Variants in RIPOR1 observed in about 807,000 individuals in gnomAD.
RIPOR1 encodes the protein RHO family interacting cell polarization regulator 1.
RIPOR1 carries 58 observed loss-of-function variants against 116.5 expected under a neutral mutation model. That is an observed-to-expected ratio of 0.50 (90% CI 0.40 to 0.62). RIPOR1 has a LOEUF of 0.62. Ranked by LOEUF, RIPOR1 falls within the 20% of genes least tolerant of loss-of-function variation. RIPOR1 has a pLI of 0.00. For missense variants in RIPOR1, 1,372 were observed against 1,586.2 expected, an observed-to-expected ratio of 0.86 and a Z score of 2.29; for synonymous variants, 605 against 650.0, an observed-to-expected ratio of 0.93 and a Z score of 1.05.
At chr16:67,546,342 T>G (rs1160281864) in intron 21 of RIPOR1, 24 bp from the exon 22 acceptor site, 1 of 1,611,574 alleles carries the variant, frequency 6.2e-7, no homozygotes, top group East Asian at 2.2e-5. Flanking sequence ...GGGCCACCCT[T>G]GACCTCATCC....
rs2142551658 is a variant in RIPOR1 at position 67,541,379 on chromosome 16, A to T, written c.802-51A>T. 3 of 1,566,404 alleles carry T rather than the reference A, an allele frequency of 1.9e-6. No individual in the cohort carries two copies. The highest frequency in any genetic ancestry group is 2.6e-6 in the Non-Finnish European group (3 of 1,154,334). On this transcript the variant is annotated intron_variant, in intron 10 of 21. Coordinates refer to ENST00000042381, the MANE Select transcript of RIPOR1 (RefSeq NM_024519.4). The surrounding 1 kb of genome is among the most constrained non-coding windows in gnomAD (Gnocchi z 4.6). ...AAATTCAGACCTCAGATTTCCCATGATCTCATAGCCCCTGCACCCTTGTGA... is the reference window on the plus strand; with the variant it reads ...AAATTCAGACCTCAGATTTCCCATGTTCTCATAGCCCCTGCACCCTTGTGA...
rs1051979915 is a variant in RIPOR1, at chr16:67,545,206, G to C, written c.3031+89G>C. 1.3e-6 allele frequency: 2 copies of C among 1,559,406 alleles called. No homozygotes were observed. Among genetic ancestry groups the C allele is most frequent in the African/African-American group, 2.7e-5 (2 of 74,074 alleles). On this transcript the variant is annotated intron_variant, in intron 17 of 21. Transcript: ENST00000042381. The surrounding 1 kb of genome is among the most constrained non-coding windows in gnomAD (Gnocchi z 4.8). Reference sequence around the variant, plus strand: ...GCCAGGTCAGCCCACACAGATAAACGAACTGGGCACCGAGGAGACCAGCAA... The same window carrying C: ...GCCAGGTCAGCCCACACAGATAAACCAACTGGGCACCGAGGAGACCAGCAA...
In RIPOR1 at chr16:67,544,411, C is replaced by A; in HGVS notation, c.2713C>A (p.His905Asn). Residue 905 changes from histidine to asparagine, a missense_variant, in exon 15 of 22, where the codon CAC becomes AAC. His to Asn is a moderately conservative substitution (Grantham distance 68, BLOSUM62 1). Coordinates refer to ENST00000042381, the MANE Select transcript of RIPOR1 (RefSeq NM_024519.4). The surrounding 1 kb of genome is among the most constrained non-coding windows in gnomAD (Gnocchi z 5.1). ...TGCTGCCTTGGTCCGGCACCTGTAC[C>A]ACTGCAGTCGCCTCCTGCTGGTGAG... ...LDAALVRHLY[H>N]CSRLLLKLGT... 3 of 1,611,628 alleles carry A rather than the reference C, an allele frequency of 1.9e-6. No individual in the cohort carries two copies. Among genetic ancestry groups the A allele is most frequent in the Non-Finnish European group, 2.5e-6 (3 of 1,179,414 alleles).
In RIPOR1 at chr16:67,544,818, T is replaced by A. The variant is rs2051113512; in HGVS notation, c.2857T>A (p.Ser953Thr). 6 of 1,595,548 alleles carry A rather than the reference T, an allele frequency of 3.8e-6. No individual in the cohort carries two copies. Among genetic ancestry groups the A allele is most frequent in the Non-Finnish European group, 5.1e-6 (6 of 1,166,968 alleles). ...FSRRWEIPAS[S>T]AQEVVQFSAS... is the part of the protein sequence containing the mutation. ...CAGGCGGTGGGAGATCCCGGCCAGC[T>A]CTGCCCAGGAAGGTAAAGGCCCTGG... Residue 953 changes from serine (S) to threonine (T), a missense_variant, in exon 16 of 22, where the codon TCT becomes ACT. Transcript: ENST00000042381. The surrounding 1 kb of genome is among the most constrained non-coding windows in gnomAD (Gnocchi z 5.1).
chr16:67,543,114 C>A lies in RIPOR1; in HGVS notation c.2328C>A (p.Thr776=). Residue 776 remains threonine, a synonymous_variant, in exon 13 of 22, where the codon ACC becomes ACA. Coordinates refer to ENST00000042381, the MANE Select transcript of RIPOR1 (RefSeq NM_024519.4). The surrounding 1 kb of genome is among the most constrained non-coding windows in gnomAD (Gnocchi z 4.7). ...TTTGCCTGGCCATGGCTGTCCAGACCCCAGTCCCAACGGCAGCCGGAGGGT... is the reference window on the plus strand; with the variant it reads ...TTTGCCTGGCCATGGCTGTCCAGACACCAGTCCCAACGGCAGCCGGAGGGT... The part of the protein sequence containing the change: ...SDLCLAMAVQ[T]PVPTAAGGSG... The A allele has an allele frequency of 6.6e-7, 1 of 1,524,356 alleles. No individual in the cohort carries two copies. The highest frequency in any genetic ancestry group is 8.8e-7 in the Non-Finnish European group (1 of 1,138,308). The allele number at this position is 1,524,356 out of a possible 1,614,324, so 94.4% of individuals were successfully genotyped here.
In RIPOR1 at chr16:67,546,381, C is replaced by G. The variant is rs1847348038; in HGVS notation, c.3578C>G (p.Ser1193Cys). The G allele has an allele frequency of 1.2e-6, 2 of 1,613,936 alleles. No homozygotes were observed. The highest frequency in any genetic ancestry group is 1.3e-5 in the African/African-American group (1 of 74,906). The change falls in exon 22 of 22, where the codon TCT becomes TGT. Residue 1193 changes from serine (S) to cysteine (C), a missense_variant. Transcript: ENST00000042381. ...CTCATTACAGGAGAAGAGGGACAGT[C>G]TGCCCATCGACGGCTGGAGGAGTCC... ...SLQQCGEEGQ[S>C]AHRRLEESLD...
rs951142421 is a variant in RIPOR1, at chr16:67,530,382, C to T, written c.-24+1468C>T. On this transcript the variant is annotated intron_variant, in intron 1 of 21. Coordinates refer to ENST00000042381, the MANE Select transcript of RIPOR1 (RefSeq NM_024519.4). The surrounding 1 kb of genome is among the most constrained non-coding windows in gnomAD (Gnocchi z 4.5). ...GGGGGGTCCGGGGCTGTGCCGCTCCCCCTCCCTCCTATACGCTTGGGCAGC... is the reference window on the plus strand; with the variant it reads ...GGGGGGTCCGGGGCTGTGCCGCTCCTCCTCCCTCCTATACGCTTGGGCAGC... 6.6e-6 allele frequency among the ~76,000 whole-genome samples: 1 copy of T among 152,234 alleles called. No individual in the cohort carries two copies. The highest frequency in any genetic ancestry group is 2.4e-5 in the African/African-American group (1 of 41,462).
intron 1 of RIPOR1, chr16:67,538,070 C>T (rs1369683220): frequency 1.7e-5 from 4 of 234,850 alleles, no homozygotes; most frequent in Non-Finnish European, 2.5e-5. Flanking sequence ...GCTGCCCCGC[C>T]CCCGGGTAAA....
chr16:67,540,552 GC>G lies in RIPOR1; in HGVS notation c.676-26del. 1 of 1,614,096 alleles carries G rather than the reference GC, an allele frequency of 6.2e-7. No individual in the cohort carries two copies. ...GGGTCGGTAGGGTCCCAACACCTAG[GC>G]TGCCTCATCCTACCTGTTCCCCCAG... On this transcript the variant is annotated intron_variant, in intron 9 of 21. Coordinates refer to ENST00000042381, the MANE Select transcript of RIPOR1 (RefSeq NM_024519.4). This position sits in a 1 kb window ranked among gnomAD's most constrained non-coding sequence, Gnocchi z 4.7.
Position 67,541,267 on chromosome 16 carries a change from G to A in RIPOR1, c.802-163G>A. The A allele has an allele frequency of 1.9e-6, 1 of 532,434 alleles. No individual in the cohort carries two copies. The highest frequency in any genetic ancestry group is 3.1e-6 in the Non-Finnish European group (1 of 317,890). The allele number at this position is 532,434 out of a possible 1,614,324, so 33.0% of individuals were successfully genotyped here. On this transcript the variant is annotated intron_variant, in intron 10 of 21. Transcript: ENST00000042381. This position sits in a 1 kb window ranked among gnomAD's most constrained non-coding sequence, Gnocchi z 4.6. Reference sequence around the variant, plus strand: ...TTTTTTTTTTTTGAGACAGAGTCTTGCCATGTTGCCCAAGCTGGTCTTGAA... The same window carrying A: ...TTTTTTTTTTTTGAGACAGAGTCTTACCATGTTGCCCAAGCTGGTCTTGAA...
At chr16:67,539,920 CAG>C (rs750281897) in intron 6 of RIPOR1, 21 bp downstream of exon 6, 1 of 1,614,084 alleles carries the variant, frequency 6.2e-7, no homozygotes, top group Admixed American at 1.7e-5. Context: ...AGCATGTGTG[CAG>C]AGTGGGGTGG....
In RIPOR1 at chr16:67,529,980, G is replaced by A; in HGVS notation, c.-24+1066G>A. ...AGGGAGGAGAGGAATGATAATTGGG[G>A]GCTGAGGTACAAAATACTCCAGCGG... On this transcript the variant is annotated intron_variant, in intron 1 of 21. Transcript: ENST00000042381. This position sits in a 1 kb window ranked among gnomAD's most constrained non-coding sequence, Gnocchi z 4.1. 1.4e-6 allele frequency: 1 copy of A among 730,000 alleles called. No homozygotes were observed. The highest frequency in any genetic ancestry group is 1.7e-5 in the African/African-American group (1 of 57,900). 45.2% of individuals were successfully genotyped at this position (730,000 alleles called of 1,614,324 possible). A position where few individuals can be genotyped will look rare whatever the true frequency, so the allele number is the denominator to read the frequency against.
upstream of RIPOR1, among the ~76,000 whole-genome samples, chr16:67,524,421 C>T (rs1044918391): frequency 1.3e-5 from 2 of 152,194 alleles, no homozygotes; most frequent in Non-Finnish European, 2.9e-5. Flanking sequence ...GGCCGTGGTG[C>T]TTTGGGCCTT....
chr16:67,544,228 A>T lies in RIPOR1; in HGVS notation c.2601-71A>T. The T allele has an allele frequency of 2.0e-6, 3 of 1,527,672 alleles. No homozygotes were observed. 94.6% of individuals were successfully genotyped at this position (1,527,672 alleles called of 1,614,324 possible). A position where few individuals can be genotyped will look rare whatever the true frequency, so the allele number is the denominator to read the frequency against. ...TTCCTTTCTGGCATGGGGGAAGCTT[A>T]ATAAAAATAAACGCTGGTGACCAGG... On this transcript the variant is annotated intron_variant, in intron 14 of 21. Coordinates refer to ENST00000042381, the MANE Select transcript of RIPOR1 (RefSeq NM_024519.4). This position sits in a 1 kb window ranked among gnomAD's most constrained non-coding sequence, Gnocchi z 5.1.
At chr16:67,534,672 T>C (rs1234143087) in intron 1 of RIPOR1, among the ~76,000 whole-genome samples, 1 of 152,102 alleles carries the variant, frequency 6.6e-6, no homozygotes, top group Non-Finnish European at 1.5e-5. Flanking sequence ...TTTGCTTGCT[T>C]TTGAACTTAT....
rs2051119771 is a variant in RIPOR1, at chr16:67,544,985, T to A, written c.2899T>A (p.Phe967Ile). The A allele has an allele frequency of 1.2e-6, 2 of 1,613,198 alleles. No individual in the cohort carries two copies. The highest frequency in any genetic ancestry group is 3.3e-5 in the Admixed American group (2 of 60,014). ...VVQFSASRPGFLTFWDQCTER... is the reference protein window; with the variant it reads ...VVQFSASRPGILTFWDQCTER... ...GCAGTTCTCGGCCTCTCGGCCTGGC[T>A]TCCTGACCTTCTGGGACCAGTGCAC... is the stretch of plus-strand genomic sequence containing the variant. The change falls in exon 17 of 22, where the codon TTC becomes ATC. Residue 967 changes from phenylalanine (F) to isoleucine (I), a missense_variant. Physicochemically the swap from Phe to Ile is conservative, Grantham distance 21 (BLOSUM62 0). This residue lies in a region of RIPOR1 where 1,005 missense variants were observed against 1,144.7 expected (regional missense o/e 0.88). Coordinates refer to ENST00000042381, the MANE Select transcript of RIPOR1 (RefSeq NM_024519.4). The surrounding 1 kb of genome is among the most constrained non-coding windows in gnomAD (Gnocchi z 5.1).
chr16:67,531,603 G>A lies in RIPOR1; in HGVS notation c.-24+2689G>A, dbSNP rs1416281501. The A allele has an allele frequency of 2.6e-5, 12 of 454,864 alleles. No homozygotes were observed. Among genetic ancestry groups the A allele is most frequent in the Non-Finnish European group, 5.3e-5 (12 of 226,296 alleles). The allele number at this position is 454,864 out of a possible 1,614,324, so 28.2% of individuals were successfully genotyped here. The stretch of plus-strand genomic sequence containing the variant: ...AGAAGGAATAGGAGCGATGGGGGCT[G>A]CCGGTCAGATTCTGAAGAACCTTGC... On this transcript the variant is annotated intron_variant, in intron 1 of 21. Transcript: ENST00000042381. The surrounding 1 kb of genome is among the most constrained non-coding windows in gnomAD (Gnocchi z 4.2).
chr16:67,528,055 TG>T, upstream of RIPOR1, among the ~76,000 whole-genome samples: 2 of 151,948 alleles, frequency 1.3e-5, no homozygotes, highest in Admixed American at 1.3e-4. Context: ...GTGTCCAGGT[TG>T]GAAGGGCCAG....
chr16:67,538,461 G>A lies in RIPOR1; in HGVS notation c.15G>A (p.Ser5=). ...GGACTCACTCTATGATGTCCCTGTC[G>A]GTGCGGCCGCAGCGCCGTCTGCTCA... The part of the protein sequence containing the change: MMSL[S]VRPQRRLLSA... The change falls in exon 2 of 22, where the codon TCG becomes TCA. Residue 5 remains serine, a synonymous_variant. Transcript: ENST00000042381. 1 of 1,608,284 alleles carries A rather than the reference G, an allele frequency of 6.2e-7. No individual in the cohort carries two copies. The highest frequency in any genetic ancestry group is 8.5e-7 in the Non-Finnish European group (1 of 1,177,826).
Sources: allele counts gnomAD v4.1 joint callset (sites outside exome capture counted in the v4.1 genomes callset), GRCh38; gene constraint gnomAD v4.1.1; regional missense constraint gnomAD v4.1.1; non-coding constraint Gnocchi (gnomAD v3.1); transcripts MANE v1.5; gene names NCBI Gene and HGNC (gene_info 2026-07-23, HGNC 2026-07-21).